Variants in FLI1 observed in about 807,000 individuals in gnomAD.
FLI1 encodes Fli-1 proto-oncogene, ETS transcription factor.
Under a neutral mutation model 53.1 loss-of-function variants are expected in FLI1, and 13 were observed. The observed-to-expected ratio is 0.24, with a 90% CI of 0.16 to 0.39. FLI1 has a LOEUF of 0.39. Ranked by LOEUF, FLI1 falls within the 10% of genes least tolerant of loss-of-function variation. FLI1 has a pLI of 1.00. For missense variants in FLI1, 424 were observed against 600.5 expected, an observed-to-expected ratio of 0.71 and a Z score of 3.07; for synonymous variants, 244 against 236.7, an observed-to-expected ratio of 1.03 and a Z score of -0.28.
At chr11:128,768,725 C>G (rs1281761332) in intron 3 of FLI1, among the ~76,000 whole-genome samples, 1 of 149,350 alleles carries the variant, frequency 6.7e-6, no homozygotes, top group East Asian at 2.0e-4. Context: ...GCACATTTTA[C>G]CTGACTTCCT....
At position 128,724,750 on chromosome 11, in the gene FLI1, CA is replaced by C. The variant is rs148948589; in HGVS notation, c.18+30476del. On this transcript the variant is annotated intron_variant, in intron 1 of 8. Coordinates refer to ENST00000527786, the MANE Select transcript of FLI1 (RefSeq NM_002017.5). ...TGGGTGCATGGTTCTAGGAGAGGCA[CA>C]AGGGTTTATGGAGGTAGAGATTCCC... 1.3e-4 allele frequency among the ~76,000 whole-genome samples: 20 copies of C among 152,242 alleles called. No homozygotes were observed. The East Asian group carries it at 3.9e-3, about 29-fold the overall frequency.
At chr11:128,731,385 A>G (rs532579053) in intron 1 of FLI1, among the ~76,000 whole-genome samples, 1 of 152,302 alleles carries the variant, frequency 6.6e-6, no homozygotes, top group East Asian at 1.9e-4. Flanking sequence ...CACACCAGCG[A>G]GCCAGTGTGC....
chr11:128,713,754 G>T (rs181620807), intron 1 of FLI1, among the ~76,000 whole-genome samples: 1 of 152,270 alleles, frequency 6.6e-6, no homozygotes, highest in African/African-American at 2.4e-5. Context: ...TTAAGGAAGT[G>T]ACATTTAGGC....
At chr11:128,807,870 C>A (rs115493274) in intron 7 of FLI1, among the ~76,000 whole-genome samples, 5 of 152,278 alleles carry the variant, frequency 3.3e-5, no homozygotes, top group East Asian at 1.9e-4. Context: ...TCTGGAGAAG[C>A]CTTCCTCCTG....
Position 128,760,524 on chromosome 11 carries a change from T to A in FLI1, c.230+2198T>A, listed in dbSNP as rs1036257419. On this transcript the variant is annotated intron_variant, in intron 2 of 8. Coordinates refer to ENST00000527786, the MANE Select transcript of FLI1 (RefSeq NM_002017.5). Reference sequence around the variant, plus strand: ...AGATCCCACTGGTGGAGATTCCTTTTTTTTTTTTTTTTTTTTTTTTTGAGA... The same window carrying A: ...AGATCCCACTGGTGGAGATTCCTTTATTTTTTTTTTTTTTTTTTTTTGAGA... Among the ~76,000 whole-genome samples, 199 of 56,602 alleles carry A rather than the reference T, an allele frequency of 3.5e-3. 1 individual carries two copies. The highest frequency in any genetic ancestry group is 6.6e-3 in the Admixed American group (47 of 7,174). 37.1% of individuals were successfully genotyped at this position (56,602 alleles called of 152,430 possible).
intron 2 of FLI1, among the ~76,000 whole-genome samples, chr11:128,761,138 C>T (rs1016716952): frequency 6.6e-6 from 1 of 152,220 alleles, no homozygotes; most frequent in Non-Finnish European, 1.5e-5. Context: ...CCCTCCGCGC[C>T]AGCCTCATAA....
intron 1 of FLI1, among the ~76,000 whole-genome samples, chr11:128,740,268 G>T (rs925851045): frequency 4.6e-5 from 7 of 152,202 alleles, no homozygotes; most frequent in Non-Finnish European, 1.0e-4. Flanking sequence ...GGACCCACAC[G>T]GGCCTGAAAG....
chr11:128,788,084 G>A (rs556077357), intron 5 of FLI1, among the ~76,000 whole-genome samples: 5 of 151,876 alleles, frequency 3.3e-5, no homozygotes, highest in East Asian at 1.9e-4. Context: ...ACAGTATCCC[G>A]CTAATTACAG....
chr11:128,773,265 C>A (rs1941630978), intron 4 of FLI1, among the ~76,000 whole-genome samples: 1 of 152,200 alleles, frequency 6.6e-6, no homozygotes, highest in South Asian at 2.1e-4. Context: ...CATGAGACCG[C>A]CTTTCCAGAA....
chr11:128,775,809 G>C (rs1488961212), intron 4 of FLI1, among the ~76,000 whole-genome samples: 1 of 152,182 alleles, frequency 6.6e-6, no homozygotes, highest in Non-Finnish European at 1.5e-5. Context: ...GGAAGGTGGG[G>C]CTCAGATATT....
intron 5 of FLI1, chr11:128,805,069 G>C (rs41302395): frequency 0.018 from 5,603 of 310,484 alleles, 70 homozygotes; most frequent in Non-Finnish European, 0.026. Flanking sequence ...GGAGACTTTT[G>C]ATTCATCCCA....
intron 7 of FLI1, 51 bp from the exon 8 acceptor site, chr11:128,809,106 T>C: frequency 1.4e-6 from 2 of 1,436,018 alleles, no homozygotes; most frequent in South Asian, 1.1e-5. Context: ...TTGGTACGGT[T>C]GTCATATTTT....
rs150473290 is a variant in FLI1 at position 128,733,056 on chromosome 11, G to A, written c.19-25059G>A. Among the ~76,000 whole-genome samples the A allele has an allele frequency of 2.0e-5, 3 of 152,282 alleles. No homozygotes were observed. The East Asian group carries it at 5.8e-4, about 29-fold the overall frequency. On this transcript the variant is annotated intron_variant, in intron 1 of 8. Coordinates refer to ENST00000527786, the MANE Select transcript of FLI1 (RefSeq NM_002017.5). ...GGGAAATTCAAAGGAACTTAAACAA[G>A]TCTCTTTGCATCAGGACTTATCAGA... is the stretch of plus-strand genomic sequence containing the variant.
chr11:128,780,052 A>C (rs1245954302), intron 4 of FLI1, among the ~76,000 whole-genome samples: 2 of 152,216 alleles, frequency 1.3e-5, no homozygotes, highest in Non-Finnish European at 2.9e-5. Context: ...CTTTGCCCAA[A>C]ACATCATTTT....
chr11:128,800,801 C>T (rs748695841), intron 5 of FLI1, among the ~76,000 whole-genome samples: 11 of 152,204 alleles, frequency 7.2e-5, no homozygotes, highest in Non-Finnish European at 1.0e-4. Flanking sequence ...TCTTCATTCT[C>T]CAGACTGAGG....
At chr11:128,766,612 C>T (rs930110632) in intron 2 of FLI1, among the ~76,000 whole-genome samples, 4 of 151,920 alleles carry the variant, frequency 2.6e-5, no homozygotes, top group Admixed American at 6.6e-5. Context: ...CAGGCCTCCC[C>T]GCCCTGCCTG....
At chr11:128,686,787 G>A (rs1865811977) in intron 1 of FLI1, 1 of 277,250 alleles carries the variant, frequency 3.6e-6, no homozygotes, top group Non-Finnish European at 7.3e-6. Context: ...CTTTCCCCGG[G>A]AAAAAGGGGT....
At chr11:128,740,710 G>C (rs1038089195) in intron 1 of FLI1, among the ~76,000 whole-genome samples, 1 of 152,252 alleles carries the variant, frequency 6.6e-6, no homozygotes, top group African/African-American at 2.4e-5. Flanking sequence ...TCCTCACTTA[G>C]ATCAGACAAT....
chr11:128,784,082 C>T (rs1246032389), intron 5 of FLI1, among the ~76,000 whole-genome samples: 1 of 152,202 alleles, frequency 6.6e-6, no homozygotes, highest in East Asian at 1.9e-4. Flanking sequence ...ACACTTCAGG[C>T]TACAACCTGC....
Sources: allele counts gnomAD v4.1 joint callset (sites outside exome capture counted in the v4.1 genomes callset), GRCh38; gene constraint gnomAD v4.1.1; transcripts MANE v1.5; gene names NCBI Gene and HGNC (gene_info 2026-07-23, HGNC 2026-07-21).